Variants in SLC6A13 observed in about 807,000 individuals in gnomAD.
SLC6A13 encodes solute carrier family 6 member 13.
SLC6A13 carries 69 observed loss-of-function variants against 72.9 expected under a neutral mutation model. The observed-to-expected ratio is 0.95, with a 90% CI of 0.78 to 1.16. The LOEUF is 1.16. Among genes scored for constraint, SLC6A13 ranks in the 50% most tolerant of loss-of-function variants. The pLI is 0.00. For missense variants in SLC6A13, 735 were observed against 760.5 expected (o/e 0.97, Z 0.39); for synonymous variants, 303 against 303.0 (o/e 1.00, Z 0.00).
At chr12:252,693 C>G (rs892980497) in intron 2 of SLC6A13, among the ~76,000 whole-genome samples, 1 of 152,208 alleles carries the variant, frequency 6.6e-6, no homozygotes, top group Non-Finnish European at 1.5e-5. Flanking sequence ...AAGATAGAAC[C>G]CAGCAGCTGA....
At chr12:257,668 G>A (rs1565510649) in intron 2 of SLC6A13, among the ~76,000 whole-genome samples, 1 of 152,084 alleles carries the variant, frequency 6.6e-6, no homozygotes, top group Non-Finnish European at 1.5e-5. Flanking sequence ...TCCCACACAA[G>A]ACACAGTCAA....
In SLC6A13 at chr12:260,025, T is replaced by A. The variant is rs1284672048; in HGVS notation, c.28A>T (p.Ser10Cys). The A allele has an allele frequency of 6.2e-7, 1 of 1,613,990 alleles. No individual in the cohort carries two copies. The stretch of plus-strand genomic sequence containing the variant: ...TACACTGGTTTTGTCTCTCCATTAC[T>A]GGTTGTGCCTGAGACCCTGCTATCC... MDSRVSGTT[S>C]NGETKPVYPV... Residue 10 changes from serine to cysteine, a missense_variant, in exon 2 of 15, where the codon AGT becomes TGT. Ser to Cys is a moderately radical substitution (Grantham distance 112). Coordinates refer to ENST00000343164, the MANE Select transcript of SLC6A13 (RefSeq NM_016615.5).
At chr12:251,074 T>C (rs1197159060) in intron 2 of SLC6A13, among the ~76,000 whole-genome samples, 3 of 151,000 alleles carry the variant, frequency 2.0e-5, no homozygotes, top group African/African-American at 7.3e-5. Context: ...GAGAATTGCG[T>C]GAACCCGGGA....
In SLC6A13 at chr12:224,027, C is replaced by T. The variant is rs577294; in HGVS notation, c.1276G>A (p.Val426Ile). The T allele has an allele frequency of 0.021, 33,874 of 1,613,616 alleles. 561 individuals carry two copies. Among genetic ancestry groups the T allele is most frequent in the African/African-American group, 0.083 (6,232 of 74,846 alleles). ...REVLILGVSVVSFLVGLIMLT... is the reference protein window; with the variant it reads ...REVLILGVSVISFLVGLIMLT... ...ATGATCAGCCCCACAAGGAAGGAGA[C>T]GACAGATACTCCAAGGATGAGGACT... Residue 426 changes from valine (V) to isoleucine (I), a missense_variant, in exon 11 of 15, where the codon GTC (valine) becomes ATC (isoleucine). Transcript: ENST00000343164.
In SLC6A13 at chr12:221,362, C is replaced by T. The variant is rs553220753; in HGVS notation, c.1686+14G>A. 1.5e-5 allele frequency: 23 copies of T among 1,572,174 alleles called. No homozygotes were observed. Among genetic ancestry groups the T allele is most frequent in the African/African-American group, 6.7e-5 (5 of 74,462 alleles). On this transcript the variant is annotated intron_variant, in intron 14 of 14. Coordinates refer to ENST00000343164, the MANE Select transcript of SLC6A13 (RefSeq NM_016615.5). ...CAGCCCCTCTGGCTGCTTTCCTGCC[C>T]GCAAAGGCCCTACCTCTCTGAAGGG...
rs1054417934 is a variant in SLC6A13 at position 247,655 on chromosome 12, G to C, written c.203-3842C>G. On this transcript the variant is annotated intron_variant, in intron 2 of 14. Coordinates refer to ENST00000343164, the MANE Select transcript of SLC6A13 (RefSeq NM_016615.5). ...AGATAGAAATATGAATCTATACAAA[G>C]TAATAAAAAGCTTTAGAAATAGTAA... 1.5e-4 allele frequency among the ~76,000 whole-genome samples: 23 copies of C among 152,028 alleles called. 1 individual carries two copies. Among genetic ancestry groups the C allele is most frequent in the Non-Finnish European group, 4.4e-5 (3 of 68,012 alleles).
intron 3 of SLC6A13, among the ~76,000 whole-genome samples, chr12:243,057 T>C (rs1942225723): frequency 6.6e-6 from 1 of 152,080 alleles, no homozygotes; most frequent in South Asian, 2.1e-4. Flanking sequence ...TCACCCAGGC[T>C]GGAGTGCAGT....
intron 2 of SLC6A13, among the ~76,000 whole-genome samples, chr12:246,712 A>T (rs1052755916): frequency 6.6e-6 from 1 of 152,176 alleles, no homozygotes; most frequent in Non-Finnish European, 1.5e-5. Flanking sequence ...CACAGAGAGA[A>T]AAAAGAACAT....
intron 2 of SLC6A13, among the ~76,000 whole-genome samples, chr12:246,877 G>T (rs1942368912): frequency 6.6e-6 from 1 of 151,868 alleles, no homozygotes; most frequent in Non-Finnish European, 1.5e-5. Flanking sequence ...GTGTGGTGGT[G>T]CATGCCTGTA....
chr12:253,920 A>G lies in SLC6A13; in HGVS notation c.202+5931T>C, dbSNP rs546508741. On this transcript the variant is annotated intron_variant, in intron 2 of 14. Coordinates refer to ENST00000343164, the MANE Select transcript of SLC6A13 (RefSeq NM_016615.5). ...TTCAGCAACCTGGACTTAGAAATTA[A>G]GTGAAAATGTTGGCAGACGGTTTTT... 5.3e-5 allele frequency among the ~76,000 whole-genome samples: 8 copies of G among 152,352 alleles called. No individual in the cohort carries two copies. In the East Asian group the frequency reaches 1.5e-3, roughly 29 times the overall value.
intron 4 of SLC6A13, among the ~76,000 whole-genome samples, chr12:242,267 T>A (rs575024097): frequency 6.6e-6 from 1 of 152,284 alleles, no homozygotes; most frequent in African/African-American, 2.4e-5. Flanking sequence ...AATTGCAAGT[T>A]TGAAAGACCT....
Position 237,970 on chromosome 12 carries a change from AT to A in SLC6A13, c.518del (p.Asn173MetfsTer20). The stretch of plus-strand genomic sequence containing the variant: ...GAGAGGTGGCATTCTCAGAGGTACC[AT>A]TCAGGGAGCCGTTGGTCTTCTGGAA... ...MEFQKTNGSL[N>X]GTSENATSPV... is the part of the protein sequence containing the mutation. On this transcript the variant is annotated frameshift_variant, in exon 5 of 15. Coordinates refer to ENST00000343164, the MANE Select transcript of SLC6A13 (RefSeq NM_016615.5). LOFTEE classifies it high-confidence loss of function. The A allele has an allele frequency of 4.3e-6, 7 of 1,614,128 alleles. No homozygotes were observed. The highest frequency in any genetic ancestry group is 5.9e-6 in the Non-Finnish European group (7 of 1,180,000).
At chr12:232,095 T>TAAGC (rs1941731761) in intron 7 of SLC6A13, among the ~76,000 whole-genome samples, 1 of 152,218 alleles carries the variant, frequency 6.6e-6, no homozygotes, top group Middle Eastern at 3.2e-3. Flanking sequence ...ATAATGCATG[T>TAAGC]AAGCCTCTTA....
chr12:225,029 G>A (rs1233596159), intron 9 of SLC6A13, among the ~76,000 whole-genome samples: 9 of 152,330 alleles, frequency 5.9e-5, no homozygotes, highest in East Asian at 5.8e-4. Flanking sequence ...CCACCTCTGC[G>A]CCCGGAGCCC....
chr12:248,692 G>A (rs1380051059), intron 2 of SLC6A13, among the ~76,000 whole-genome samples: 4 of 152,214 alleles, frequency 2.6e-5, no homozygotes, highest in Non-Finnish European at 2.9e-5. Flanking sequence ...TGTTAAAAAC[G>A]TTAATAGCCC....
chr12:228,001 A>G (rs528565711), intron 7 of SLC6A13, among the ~76,000 whole-genome samples: 1 of 152,262 alleles, frequency 6.6e-6, no homozygotes, highest in Non-Finnish European at 1.5e-5. Context: ...TTTTGATCCT[A>G]GGTTCTGCCC....
At chr12:258,738 G>C (rs1942828272) in intron 2 of SLC6A13, among the ~76,000 whole-genome samples, 1 of 152,212 alleles carries the variant, frequency 6.6e-6, no homozygotes, top group South Asian at 2.1e-4. Flanking sequence ...TGTCACTGCT[G>C]TGGGGATAGC....
At chr12:231,904 G>A (rs1941723926) in intron 7 of SLC6A13, among the ~76,000 whole-genome samples, 2 of 152,204 alleles carry the variant, frequency 1.3e-5, no homozygotes, top group Admixed American at 6.5e-5. Context: ...AGAAACAAAG[G>A]TGAGTGGCCA....
chr12:261,101 G>T (rs1942912433), intron 1 of SLC6A13, among the ~76,000 whole-genome samples: 1 of 152,134 alleles, frequency 6.6e-6, no homozygotes, highest in Admixed American at 6.5e-5. Context: ...CAGTAGAGAA[G>T]ATGATATAAA....
Sources: allele counts gnomAD v4.1 joint callset (sites outside exome capture counted in the v4.1 genomes callset), GRCh38; gene constraint gnomAD v4.1.1; transcripts MANE v1.5; gene names NCBI Gene and HGNC (gene_info 2026-07-23, HGNC 2026-07-21).